The following DPF3 variants were observed in gnomAD, a reference collection of about 807,000 sequenced individuals.
The protein encoded by DPF3 is zinc finger protein DPF3.
In DPF3, 18 loss-of-function variants were observed where a neutral mutation model predicts 56.8. The observed-to-expected ratio is 0.32, with a 90% confidence interval of 0.22 to 0.47. The LOEUF is 0.47. Among genes scored for constraint, DPF3 ranks in the 20% least tolerant of loss-of-function variants. DPF3 has a pLI of 1.00. For synonymous variants in DPF3, 188 were observed against 180.2 expected (o/e 1.04, Z -0.35); for missense variants, 403 against 488.8 (o/e 0.82, Z 1.65).
chr14:72,735,728 C>A (rs1407451181), intron 3 of DPF3, among the ~76,000 whole-genome samples: 3 of 152,168 alleles, frequency 2.0e-5, no homozygotes, highest in Non-Finnish European at 4.4e-5. Flanking sequence ...AGCCTTGCCA[C>A]GTATTAGTAA....
chr14:72,848,371 C>T lies in DPF3; in HGVS notation c.32+45686G>A, dbSNP rs137998516. On this transcript the variant is annotated intron_variant, in intron 1 of 10. Coordinates refer to ENST00000556509, the MANE Select transcript of DPF3 (RefSeq NM_001280542.3). ...GTAGAGACAGGGTTTCACTATGTTGCCCAGGCTGGCCTCAAATTCCTGGCT... is the reference window on the plus strand; with the variant it reads ...GTAGAGACAGGGTTTCACTATGTTGTCCAGGCTGGCCTCAAATTCCTGGCT... Among the ~76,000 whole-genome samples, 911 of 152,176 alleles carry T rather than the reference C, an allele frequency of 6.0e-3. 12 individuals carry two copies. Among genetic ancestry groups the T allele is most frequent in the African/African-American group, 0.021 (864 of 41,524 alleles).
intron 5 of DPF3, among the ~76,000 whole-genome samples, chr14:72,715,641 C>T (rs1213204558): frequency 6.6e-6 from 1 of 151,928 alleles, no homozygotes; most frequent in African/African-American, 2.4e-5. Flanking sequence ...ACACTCTGTG[C>T]ACACACACAC....
chr14:72,861,376 C>T (rs1244572832), intron 1 of DPF3, among the ~76,000 whole-genome samples: 1 of 152,112 alleles, frequency 6.6e-6, no homozygotes, highest in African/African-American at 2.4e-5. Context: ...ATTGTATGTA[C>T]TCACCGCTAA....
intron 6 of DPF3, among the ~76,000 whole-genome samples, chr14:72,712,249 T>C (rs901333573): frequency 6.6e-6 from 1 of 152,130 alleles, no homozygotes; most frequent in African/African-American, 2.4e-5. Flanking sequence ...CAAACGTCAC[T>C]GAGAGTCCCG....
At chr14:72,726,303 G>A (rs537792259) in intron 4 of DPF3, among the ~76,000 whole-genome samples, 2 of 152,268 alleles carry the variant, frequency 1.3e-5, no homozygotes, top group South Asian at 2.1e-4. Context: ...GTACAACTCC[G>A]ACTCTCATTT....
chr14:72,792,336 C>G, intron 1 of DPF3, among the ~76,000 whole-genome samples: 1 of 152,094 alleles, frequency 6.6e-6, no homozygotes, highest in East Asian at 1.9e-4. Context: ...CTTTCTGCAG[C>G]CAAAAGGCAC....
intron 1 of DPF3, among the ~76,000 whole-genome samples, chr14:72,852,019 G>A (rs907505338): frequency 3.3e-5 from 5 of 152,236 alleles, no homozygotes; most frequent in Non-Finnish European, 7.3e-5. Flanking sequence ...TATCCCTTTT[G>A]GAGACGCAGA....
At chr14:72,697,503 A>C (rs1887955576) in intron 6 of DPF3, among the ~76,000 whole-genome samples, 1 of 152,154 alleles carries the variant, frequency 6.6e-6, no homozygotes, top group Non-Finnish European at 1.5e-5. Flanking sequence ...TGCAGTTATC[A>C]CCTCTGCAAA....
intron 1 of DPF3, among the ~76,000 whole-genome samples, chr14:72,825,934 G>A (rs148575098): frequency 6.6e-5 from 10 of 152,004 alleles, no homozygotes; most frequent in Non-Finnish European, 1.3e-4. Flanking sequence ...CCTTCTCAGA[G>A]ATCAATAAGT....
chr14:72,749,550 G>A (rs114348020), intron 3 of DPF3, among the ~76,000 whole-genome samples: 106 of 152,324 alleles, frequency 7.0e-4, no homozygotes, highest in African/African-American at 2.5e-3. Context: ...ATGAGATTTG[G>A]GAGGGGGCAA....
intron 1 of DPF3, among the ~76,000 whole-genome samples, chr14:72,859,469 T>TCCC (rs112629015): frequency 7.4e-4 from 45 of 60,716 alleles, no homozygotes; most frequent in African/African-American, 2.1e-3. Context: ...TGCAGCTTCC[T>TCCC]CCCCCCCCCC....
At chr14:72,620,016 A>G (rs1023202340) in intron 9 of DPF3, 32 bp from the exon 10 acceptor site, 2 of 1,509,822 alleles carry the variant, frequency 1.3e-6, no homozygotes, top group Admixed American at 4.2e-5. Context: ...ACAGAGGAGG[A>G]GAGATTCCAT....
chr14:72,673,385 A>C (rs1179923114), intron 8 of DPF3, among the ~76,000 whole-genome samples: 1 of 152,188 alleles, frequency 6.6e-6, no homozygotes, highest in Non-Finnish European at 1.5e-5. Context: ...GAGACTAAAA[A>C]TGGGGTTGAA....
chr14:72,711,467 G>C (rs931440845), intron 6 of DPF3, among the ~76,000 whole-genome samples: 1 of 152,160 alleles, frequency 6.6e-6, no homozygotes, highest in Admixed American at 6.5e-5. Flanking sequence ...GCTGGGACAG[G>C]CTCCGACTAG....
intron 1 of DPF3, among the ~76,000 whole-genome samples, chr14:72,861,791 GA>G (rs1885445445): frequency 6.6e-6 from 1 of 150,574 alleles, no homozygotes; most frequent in Non-Finnish European, 1.5e-5. Flanking sequence ...AAGAAAGAAA[GA>G]AAGAAAGAAA....
chr14:72,670,104 T>C (rs1599341593), intron 8 of DPF3: 9 of 982,800 alleles, frequency 9.2e-6, no homozygotes, highest in Non-Finnish European at 1.1e-5. Context: ...GCAGGCACTA[T>C]AAAAAAAAAT....
At position 72,612,993 on chromosome 14, in the gene DPF3, CGTGTGTGTGTGTGTGTGT is replaced by C. The variant is rs59321921; in HGVS notation, c.*6286_*6303del. Among the ~76,000 whole-genome samples, 1 of 148,852 alleles carries C rather than the reference CGTGTGTGTGTGTGTGTGT, an allele frequency of 6.7e-6. No individual in the cohort carries two copies. The highest frequency in any genetic ancestry group is 1.5e-5 in the Non-Finnish European group (1 of 67,238). On this transcript the variant is annotated 3_prime_UTR_variant, in exon 11 of 11. Transcript: ENST00000556509. ...TTTCCCTTTGGTTCATTAAGTAGGG[CGTGTGTGTGTGTGTGTGT>C]GTGTGTGTGTGTGTGTGTGTATGTG...
intron 1 of DPF3, among the ~76,000 whole-genome samples, chr14:72,815,633 C>T (rs1883251322): frequency 6.6e-6 from 1 of 152,214 alleles, no homozygotes; most frequent in Non-Finnish European, 1.5e-5. Flanking sequence ...CACAGTGGAA[C>T]GCACCCATAC....
intron 1 of DPF3, among the ~76,000 whole-genome samples, chr14:72,869,763 A>C (rs959942390): frequency 6.6e-6 from 1 of 152,176 alleles, no homozygotes; most frequent in Non-Finnish European, 1.5e-5. Context: ...TTAGTCCCTC[A>C]CTATCAGGAC....
Sources: allele counts gnomAD v4.1 joint callset (sites outside exome capture counted in the v4.1 genomes callset), GRCh38; gene constraint gnomAD v4.1.1; transcripts MANE v1.5; gene names NCBI Gene and HGNC (gene_info 2026-07-23, HGNC 2026-07-21).